MCPH1: variants seen among roughly 807,000 people sequenced by gnomAD.
MCPH1 encodes microcephalin 1.
Under a neutral mutation model 84.5 loss-of-function variants are expected in MCPH1, and 104 were observed. The ratio of observed to expected loss-of-function variants is 1.23; its 90% CI spans 1.05 to 1.45. The LOEUF is 1.45. Ranked by LOEUF, MCPH1 falls within the 40% of genes most tolerant of loss-of-function variation. The probability of loss-of-function intolerance (pLI) is 0.00; values close to 1 mark genes in which losing one functional copy is unlikely to be tolerated. For synonymous variants in MCPH1, 514 were observed against 366.8 expected, an observed-to-expected ratio of 1.40 and a Z score of -4.58; for missense variants, 1,498 against 1,005.7, an observed-to-expected ratio of 1.49 and a Z score of -6.62.
chr8:6,500,220 G>C, intron 12 of MCPH1: 1 of 403,486 alleles, frequency 2.5e-6, no homozygotes, highest in Non-Finnish European at 4.6e-6. Context: ...TTCTTGGGCA[G>C]GTAGTCTTAT....
Position 6,559,220 on chromosome 8 carries a change from C to T in MCPH1, c.2214+59291C>T, listed in dbSNP as rs566867462. ...ATACAGCTATTGAGTGTTTTGTAGC[C>T]ACACACGACAACACACACACACACA... On this transcript the variant is annotated intron_variant, in intron 12 of 13. Coordinates refer to ENST00000344683, the MANE Select transcript of MCPH1 (RefSeq NM_024596.5). Among the ~76,000 whole-genome samples, 7 of 89,164 alleles carry T rather than the reference C, an allele frequency of 7.9e-5. No individual in the cohort carries two copies. The South Asian group carries it at 2.8e-3, about 36-fold the overall frequency. The allele number at this position is 89,164 out of a possible 152,430, so 58.5% of individuals were successfully genotyped here.
chr8:6,600,961 G>T (rs1249396918), intron 12 of MCPH1, among the ~76,000 whole-genome samples: 2 of 152,204 alleles, frequency 1.3e-5, no homozygotes, highest in Non-Finnish European at 2.9e-5. Context: ...ACACAGCAGT[G>T]CAGAGGCAGA....
chr8:6,436,708 G>C (rs1011751744), intron 5 of MCPH1, among the ~76,000 whole-genome samples: 1 of 151,610 alleles, frequency 6.6e-6, no homozygotes, highest in African/African-American at 2.4e-5. Context: ...AGTGGCTCAC[G>C]CCTGTAATCC....
rs114741253 is a variant in MCPH1, at chr8:6,440,514, G to A, written c.580+1418G>A. Among the ~76,000 whole-genome samples the A allele has an allele frequency of 3.2e-3, 490 of 152,246 alleles. 3 individuals carry two copies. The highest frequency in any genetic ancestry group is 0.011 in the African/African-American group (465 of 41,546). On this transcript the variant is annotated intron_variant, in intron 6 of 13. Transcript: ENST00000344683. ...AGCTAGGAATACAGGTGTGTGCCACGATCCCTGGCTTATTGATAGATATAG... is the reference window on the plus strand; with the variant it reads ...AGCTAGGAATACAGGTGTGTGCCACAATCCCTGGCTTATTGATAGATATAG...
chr8:6,609,474 A>C (rs1300952662), intron 12 of MCPH1, among the ~76,000 whole-genome samples: 1 of 152,244 alleles, frequency 6.6e-6, no homozygotes, highest in Non-Finnish European at 1.5e-5. Context: ...AAAAACCTCA[A>C]ATGATGCTTT....
chr8:6,499,914 C>T lies in MCPH1; in HGVS notation c.2199C>T (p.His733=), dbSNP rs202015253. The change falls in exon 12 of 14, where the codon CAC becomes CAT. Residue 733 remains histidine, a synonymous_variant. Coordinates refer to ENST00000344683, the MANE Select transcript of MCPH1 (RefSeq NM_024596.5). ...ISEEPFELSH[H]FPAAPLCRSE... is the part of the protein sequence containing the mutation. ...AGGAGCCGTTCGAACTGTCTCACCA[C>T]TTCCCTGCAGCTCCCGTAAGTCAGA... The T allele has an allele frequency of 6.2e-7, 1 of 1,613,568 alleles. No individual in the cohort carries two copies. The highest frequency in any genetic ancestry group is 8.5e-7 in the Non-Finnish European group (1 of 1,179,916).
chr8:6,609,293 G>C (rs13266352), intron 12 of MCPH1, among the ~76,000 whole-genome samples: 96,169 of 152,114 alleles, frequency 0.63, 32,807 homozygotes, highest in Non-Finnish European at 0.78. Flanking sequence ...CCCAGAGCAT[G>C]AGCGTGTGCC....
At chr8:6,607,142 C>T (rs1011131220) in intron 12 of MCPH1, among the ~76,000 whole-genome samples, 2 of 152,210 alleles carry the variant, frequency 1.3e-5, no homozygotes, top group African/African-American at 4.8e-5. Flanking sequence ...ACTTTCCCCT[C>T]CTTGCCCTTC....
rs184871449 is a variant in MCPH1, at chr8:6,489,818, G to C, written c.2136+8942G>C. Among the ~76,000 whole-genome samples, 3 of 152,226 alleles carry C rather than the reference G, an allele frequency of 2.0e-5. No homozygotes were observed. The East Asian group carries it at 5.8e-4, about 29-fold the overall frequency. On this transcript the variant is annotated intron_variant, in intron 11 of 13. Transcript: ENST00000344683. ...TTGAGTGTGGCCTTGGGAAGCATCT[G>C]AATCTGTTGGCTGAGTTATCAGGGA... is the stretch of plus-strand genomic sequence containing the variant.
At chr8:6,464,292 G>T (rs1035818643) in intron 9 of MCPH1, among the ~76,000 whole-genome samples, 1 of 152,138 alleles carries the variant, frequency 6.6e-6, no homozygotes, top group Non-Finnish European at 1.5e-5. Context: ...TAACAGGTGT[G>T]GGGTCCATCA....
chr8:6,493,534 T>C (rs948863689), intron 11 of MCPH1, among the ~76,000 whole-genome samples: 2 of 152,340 alleles, frequency 1.3e-5, no homozygotes, highest in South Asian at 4.1e-4. Flanking sequence ...TAGGCTGTGT[T>C]AGATATTTAG....
At chr8:6,489,726 C>G (rs1015451527) in intron 11 of MCPH1, among the ~76,000 whole-genome samples, 1 of 152,166 alleles carries the variant, frequency 6.6e-6, no homozygotes, top group Non-Finnish European at 1.5e-5. Context: ...CTCGAGCCTT[C>G]TCGTGTTGCC....
chr8:6,639,204 G>C (rs978397101), intron 13 of MCPH1, among the ~76,000 whole-genome samples: 1 of 152,070 alleles, frequency 6.6e-6, no homozygotes, highest in African/African-American at 2.4e-5. Context: ...CGGGTGCATG[G>C]GTAGATGGGT....
At chr8:6,408,209 A>T (rs1798012724) in intron 1 of MCPH1, among the ~76,000 whole-genome samples, 2 of 152,164 alleles carry the variant, frequency 1.3e-5, no homozygotes, top group African/African-American at 4.8e-5. Flanking sequence ...ATTCCACTGA[A>T]GCTATTTTGA....
chr8:6,433,849 G>C (rs890739183), intron 4 of MCPH1, among the ~76,000 whole-genome samples: 1 of 151,936 alleles, frequency 6.6e-6, no homozygotes, highest in Non-Finnish European at 1.5e-5. Flanking sequence ...GGGTCCTTGA[G>C]ATGGTTCTGT....
intron 8 of MCPH1, among the ~76,000 whole-genome samples, chr8:6,453,418 C>G (rs894098674): frequency 6.1e-5 from 9 of 147,572 alleles, no homozygotes; most frequent in Admixed American, 5.4e-4. Context: ...TAATATCAGT[C>G]TTTCTTAAGT....
At chr8:6,418,486 A>G (rs767989104) in intron 3 of MCPH1, among the ~76,000 whole-genome samples, 2 of 152,158 alleles carry the variant, frequency 1.3e-5, no homozygotes, top group Non-Finnish European at 2.9e-5. Context: ...CAGAAATGGA[A>G]CTTAGTATGT....
intron 12 of MCPH1, among the ~76,000 whole-genome samples, chr8:6,524,479 T>A (rs1817964505): frequency 6.6e-6 from 1 of 152,218 alleles, no homozygotes; most frequent in African/African-American, 2.4e-5. Flanking sequence ...CTGAGTCACT[T>A]TGCACTTACT....
intron 12 of MCPH1, among the ~76,000 whole-genome samples, chr8:6,567,748 G>A (rs114760025): frequency 0.012 from 1,880 of 152,216 alleles, 34 homozygotes; most frequent in African/African-American, 0.043. Context: ...CCACCCATCT[G>A]GGACCCCTTC....
Sources: allele counts gnomAD v4.1 joint callset (sites outside exome capture counted in the v4.1 genomes callset), GRCh38; gene constraint gnomAD v4.1.1; transcripts MANE v1.5; gene names NCBI Gene and HGNC (gene_info 2026-07-23, HGNC 2026-07-21).